HIPK3: variants seen among roughly 807,000 people sequenced by gnomAD.
HIPK3 encodes the protein homeodomain-interacting protein kinase 3.
A neutral mutation model predicts 124.2 loss-of-function variants in HIPK3; 47 were observed. The observed-to-expected ratio is 0.38, with a 90% CI of 0.30 to 0.48. The LOEUF (loss-of-function observed/expected upper bound fraction) is 0.48, where lower values mean the gene tolerates loss of function less well. Among genes scored for constraint, HIPK3 ranks in the 20% least tolerant of loss-of-function variants. The pLI is 0.98. For synonymous variants in HIPK3, 482 were observed against 515.2 expected, an observed-to-expected ratio of 0.94 and a Z score of 0.87; for missense variants, 1,286 against 1,454.3, an observed-to-expected ratio of 0.88 and a Z score of 1.88.
intron 2 of HIPK3, among the ~76,000 whole-genome samples, chr11:33,310,332 G>C (rs1431352521): frequency 3.3e-5 from 3 of 90,984 alleles, no homozygotes; most frequent in Non-Finnish European, 7.2e-5. Flanking sequence ...TCTATTGAGG[G>C]TCTTGCTGTG....
intron 1 of HIPK3, among the ~76,000 whole-genome samples, chr11:33,273,491 C>A (rs1851191440): frequency 9.8e-6 from 1 of 102,508 alleles, no homozygotes; most frequent in East Asian, 3.3e-4. Context: ...GCCTGGGCGA[C>A]AGAGTGAGAC....
At chr11:33,306,497 A>G (rs1456929540) in intron 2 of HIPK3, among the ~76,000 whole-genome samples, 2 of 152,158 alleles carry the variant, frequency 1.3e-5, no homozygotes, top group Admixed American at 6.5e-5. Context: ...TCATAAAACC[A>G]TGAAACAATA....
intron 7 of HIPK3, 80 bp from the exon 8 acceptor site, chr11:33,341,483 G>A: frequency 7.8e-7 from 1 of 1,277,052 alleles, no homozygotes; most frequent in African/African-American, 1.5e-5. Flanking sequence ...ATGATCTTAA[G>A]AAATGTGTTT....
intron 8 of HIPK3, among the ~76,000 whole-genome samples, chr11:33,344,364 A>G (rs991118745): frequency 6.6e-6 from 1 of 152,218 alleles, no homozygotes; most frequent in South Asian, 2.1e-4. Flanking sequence ...TTTGAGGGTC[A>G]CCACTTATAC....
intron 1 of HIPK3, chr11:33,258,631 A>C: frequency 1.0e-5 from 10 of 985,346 alleles, no homozygotes; most frequent in Non-Finnish European, 1.2e-5. Flanking sequence ...GAACTGGCGG[A>C]AAGACTTTGG....
intron 2 of HIPK3, among the ~76,000 whole-genome samples, chr11:33,310,770 C>T (rs1852313071): frequency 6.6e-6 from 1 of 152,116 alleles, no homozygotes; most frequent in Non-Finnish European, 1.5e-5. Flanking sequence ...GGTAGGACAG[C>T]GGTATGCTAG....
intron 8 of HIPK3, among the ~76,000 whole-genome samples, chr11:33,346,004 T>C (rs1224146801): frequency 6.6e-6 from 1 of 152,198 alleles, no homozygotes; most frequent in African/African-American, 2.4e-5. Context: ...GATTATATTA[T>C]ATTTAAATAA....
rs1465680224 is a variant in HIPK3 at position 33,262,202 on chromosome 11, T to C, written c.-3+4313T>C. ...CTTATGTGGCCTACTTAAGGAAGAA[T>C]GTCACTTCTTTTGGTTGGCTTGGTA... On this transcript the variant is annotated intron_variant, in intron 1 of 16. Coordinates refer to ENST00000303296, the MANE Select transcript of HIPK3 (RefSeq NM_005734.5). Among the ~76,000 whole-genome samples the C allele has an allele frequency of 2.6e-5, 4 of 152,210 alleles. No homozygotes were observed. In the South Asian group the frequency reaches 8.3e-4, roughly 32 times the overall value.
intron 2 of HIPK3, among the ~76,000 whole-genome samples, chr11:33,301,480 CAT>C (rs972817749): frequency 6.6e-5 from 10 of 151,998 alleles, no homozygotes; most frequent in African/African-American, 2.4e-4. Flanking sequence ...GCAAAATTAA[CAT>C]GTTTCTAAAA....
chr11:33,293,605 A>T (rs1851759180), intron 2 of HIPK3, among the ~76,000 whole-genome samples: 1 of 152,102 alleles, frequency 6.6e-6, no homozygotes, highest in Non-Finnish European at 1.5e-5. Flanking sequence ...ATCAATACTT[A>T]CTACTTTTTA....
chr11:33,316,336 C>T (rs986953988), intron 2 of HIPK3, among the ~76,000 whole-genome samples: 2 of 152,180 alleles, frequency 1.3e-5, no homozygotes, highest in African/African-American at 4.8e-5. Context: ...AAATGCTGTT[C>T]TGTATTTTCA....
At chr11:33,264,240 AT>A (rs1442040788) in intron 1 of HIPK3, among the ~76,000 whole-genome samples, 2 of 152,280 alleles carry the variant, frequency 1.3e-5, no homozygotes, top group Non-Finnish European at 2.9e-5. Context: ...GTATTTGCTC[AT>A]TTGAGCTGTA....
intron 2 of HIPK3, among the ~76,000 whole-genome samples, chr11:33,295,926 A>T (rs1851832743): frequency 6.6e-6 from 1 of 152,200 alleles, no homozygotes; most frequent in Non-Finnish European, 1.5e-5. Context: ...ATACTTTGAG[A>T]CTATTCACAC....
chr11:33,310,827 G>A (rs1418630652), intron 2 of HIPK3, among the ~76,000 whole-genome samples: 4 of 152,164 alleles, frequency 2.6e-5, no homozygotes, highest in Non-Finnish European at 5.9e-5. Flanking sequence ...GTTTTATGCT[G>A]GAAGGCAGAT....
chr11:33,301,645 A>G (rs1433361398), intron 2 of HIPK3, among the ~76,000 whole-genome samples: 1 of 150,624 alleles, frequency 6.6e-6, no homozygotes, highest in African/African-American at 2.4e-5. Flanking sequence ...AAACTTGGGC[A>G]TGGTGGAGCA....
chr11:33,273,033 C>A (rs1851177752), intron 1 of HIPK3, among the ~76,000 whole-genome samples: 1 of 150,994 alleles, frequency 6.6e-6, no homozygotes, highest in African/African-American at 2.4e-5. Flanking sequence ...GGGGTCTTGC[C>A]ATCTTGCCCA....
At chr11:33,330,596 G>T (rs570550314) in intron 3 of HIPK3, among the ~76,000 whole-genome samples, 1 of 152,126 alleles carries the variant, frequency 6.6e-6, no homozygotes, top group Non-Finnish European at 1.5e-5. Flanking sequence ...CAAAGTGTTG[G>T]GATTACAGGC....
At chr11:33,268,591 C>CAAAAAAAAAAA (rs35408664) in intron 1 of HIPK3, among the ~76,000 whole-genome samples, 7 of 76,016 alleles carry the variant, frequency 9.2e-5, no homozygotes, top group Admixed American at 1.6e-4. Flanking sequence ...ACTCCGTCAC[C>CAAAAAAAAAAA]AAAAAAAAAA....
At position 33,287,074 on chromosome 11, in the gene HIPK3, T is replaced by C; in HGVS notation, c.660T>C (p.Asn220=). 1 of 1,614,168 alleles carries C rather than the reference T, an allele frequency of 6.2e-7. No individual in the cohort carries two copies. The highest frequency in any genetic ancestry group is 8.5e-7 in the Non-Finnish European group (1 of 1,180,022). The part of the protein sequence containing the change: ...QVVKCWKRGT[N]EIVAIKILKN... The stretch of plus-strand genomic sequence containing the variant: ...TTAAATGCTGGAAAAGAGGGACAAA[T>C]GAAATTGTAGCAATCAAAATTTTGA... Residue 220 remains asparagine (N), a synonymous_variant, in exon 2 of 17, where the codon AAT becomes AAC. Transcript: ENST00000303296.
Sources: allele counts gnomAD v4.1 joint callset (sites outside exome capture counted in the v4.1 genomes callset), GRCh38; gene constraint gnomAD v4.1.1; transcripts MANE v1.5; gene names NCBI Gene and HGNC (gene_info 2026-07-23, HGNC 2026-07-21).